RILPL1: variants seen among roughly 807,000 people sequenced by gnomAD.
RILPL1 encodes the protein Rab interacting lysosomal protein like 1, also known as RILP-like protein 1.
RILPL1 carries 33 observed loss-of-function variants against 50.3 expected under a neutral mutation model. The ratio of observed to expected loss-of-function variants is 0.66; its 90% CI spans 0.50 to 0.88. RILPL1 has a LOEUF of 0.88. Among genes scored for constraint, RILPL1 ranks in the 40% least tolerant of loss-of-function variants. RILPL1 has a pLI of 0.00. For missense variants in RILPL1, 418 were observed against 542.5 expected (o/e 0.77, Z 2.28); for synonymous variants, 205 against 228.6 (o/e 0.90, Z 0.93).
intron 2 of RILPL1, chr12:123,519,393 G>A (rs1275433591): frequency 6.6e-6 from 1 of 152,214 alleles, no homozygotes; most frequent in South Asian, 2.1e-4. Flanking sequence ...AAACAGCCGG[G>A]AGCAAAGTGC....
chr12:123,484,850 G>C, intron 5 of RILPL1: 1 of 259,032 alleles, frequency 3.9e-6, no homozygotes, highest in Non-Finnish European at 7.8e-6. Flanking sequence ...GTAGAGATGG[G>C]GGTCCCACTA....
intron 2 of RILPL1, among the ~76,000 whole-genome samples, chr12:123,520,515 C>T (rs750298152): frequency 6.6e-6 from 1 of 152,154 alleles, no homozygotes; most frequent in Non-Finnish European, 1.5e-5. Context: ...GCCAAGATTG[C>T]GCCACTGCAT....
intron 1 of RILPL1, among the ~76,000 whole-genome samples, chr12:123,524,133 G>T (rs367654899): frequency 7.2e-5 from 11 of 152,194 alleles, no homozygotes; most frequent in Admixed American, 7.2e-4. Context: ...ATCTCTCCAT[G>T]GGGTCTTCAA....
chr12:123,524,643 T>G (rs7313179), intron 1 of RILPL1, among the ~76,000 whole-genome samples: 111,179 of 152,120 alleles, frequency 0.73, 42,726 homozygotes, highest in East Asian at 0.91. Context: ...AGGTGGACCC[T>G]GAAAACATTA....
At chr12:123,527,584 C>T (rs1270620228) in intron 1 of RILPL1, among the ~76,000 whole-genome samples, 1 of 151,316 alleles carries the variant, frequency 6.6e-6, no homozygotes. Context: ...TTACAGTGAG[C>T]TGAGGGAAGC....
rs2139324570 is a variant in RILPL1, at chr12:123,489,629, A to T, written c.802-3824T>A. ...CAGTGAGCTGACACGGTGCCACTGT[A>T]CTCCAGCCTGGGCGACAGAGCGACA... On this transcript the variant is annotated intron_variant, in intron 4 of 6. Coordinates refer to ENST00000376874, the MANE Select transcript of RILPL1 (RefSeq NM_178314.5). The surrounding 1 kb of genome is among the most constrained non-coding windows in gnomAD (Gnocchi z 4.0). 6.6e-6 allele frequency among the ~76,000 whole-genome samples: 1 copy of T among 151,602 alleles called. No homozygotes were observed. Among genetic ancestry groups the T allele is most frequent in the South Asian group, 2.1e-4 (1 of 4,802 alleles).
At chr12:123,482,622 T>C (rs200356412) in intron 6 of RILPL1, among the ~76,000 whole-genome samples, 84 of 145,558 alleles carry the variant, frequency 5.8e-4, no homozygotes, top group African/African-American at 1.6e-3. Context: ...CTCTCTCTCT[T>C]TTTTTTTTTT....
chr12:123,508,873 A>G (rs912983004), intron 2 of RILPL1, among the ~76,000 whole-genome samples: 1 of 152,062 alleles, frequency 6.6e-6, no homozygotes, highest in East Asian at 1.9e-4. Context: ...ATCTCCAAAA[A>G]AAAAAAGTTG....
chr12:123,504,408 C>G (rs1291510534), intron 2 of RILPL1, among the ~76,000 whole-genome samples: 1 of 152,184 alleles, frequency 6.6e-6, no homozygotes, highest in Admixed American at 6.5e-5. Flanking sequence ...AACAAGCATC[C>G]CTGGTGTGTT....
chr12:123,523,291 C>T (rs1593605552), intron 2 of RILPL1, among the ~76,000 whole-genome samples: 1 of 152,180 alleles, frequency 6.6e-6, no homozygotes, highest in East Asian at 1.9e-4. Context: ...CTGAAAGGAC[C>T]TCTGTGTTAC....
intron 2 of RILPL1, among the ~76,000 whole-genome samples, chr12:123,504,256 G>A (rs981860830): frequency 6.6e-6 from 1 of 152,114 alleles, no homozygotes; most frequent in African/African-American, 2.4e-5. Flanking sequence ...AGGACATGCA[G>A]CCAGATCTAA....
intron 1 of RILPL1, among the ~76,000 whole-genome samples, chr12:123,528,166 C>T (rs966485168): frequency 3.3e-5 from 5 of 151,534 alleles, no homozygotes; most frequent in South Asian, 2.1e-4. Flanking sequence ...CAGGAGTCTG[C>T]AGCCAGCCTG....
intron 2 of RILPL1, among the ~76,000 whole-genome samples, chr12:123,506,613 C>T (rs1053547995): frequency 6.6e-6 from 1 of 152,134 alleles, no homozygotes; most frequent in Non-Finnish European, 1.5e-5. Flanking sequence ...CCCCGGAGAG[C>T]GGTACAGAAA....
intron 6 of RILPL1, chr12:123,475,412 A>G: frequency 1.9e-6 from 1 of 517,748 alleles, no homozygotes; most frequent in South Asian, 2.2e-5. Flanking sequence ...AGGTGGTTTT[A>G]AAACAGAAAC....
chr12:123,518,431 T>C (rs1363058817), intron 2 of RILPL1: 1 of 336,404 alleles, frequency 3.0e-6, no homozygotes. Flanking sequence ...CTTTTGAGCC[T>C]GGGAGGTTGA....
At position 123,483,100 on chromosome 12, in the gene RILPL1, C is replaced by T. The variant is rs1481346211; in HGVS notation, c.1067+1080G>A. On this transcript the variant is annotated intron_variant, in intron 6 of 6. Coordinates refer to ENST00000376874, the MANE Select transcript of RILPL1 (RefSeq NM_178314.5). ...CTTTCCAACCCACACGCCCTGTTTTCACAAAGTTTCTTGTGGGTTTTGGAG... is the reference window on the plus strand; with the variant it reads ...CTTTCCAACCCACACGCCCTGTTTTTACAAAGTTTCTTGTGGGTTTTGGAG... Among the ~76,000 whole-genome samples the T allele has an allele frequency of 2.6e-5, 4 of 152,230 alleles. No individual in the cohort carries two copies. The East Asian group carries it at 7.7e-4, about 29-fold the overall frequency.
At chr12:123,527,620 G>A (rs1450587857) in intron 1 of RILPL1, among the ~76,000 whole-genome samples, 1 of 150,092 alleles carries the variant, frequency 6.7e-6, no homozygotes, top group Non-Finnish European at 1.5e-5. Flanking sequence ...CCGAGATCAT[G>A]CCACTGCACT....
intron 2 of RILPL1, among the ~76,000 whole-genome samples, chr12:123,516,688 A>G (rs908643361): frequency 6.6e-6 from 1 of 152,152 alleles, no homozygotes; most frequent in African/African-American, 2.4e-5. Flanking sequence ...GTATTTGCAG[A>G]TGTAATTAGT....
chr12:123,496,831 G>T (rs1883061484), intron 4 of RILPL1, among the ~76,000 whole-genome samples: 1 of 152,224 alleles, frequency 6.6e-6, no homozygotes, highest in Admixed American at 6.5e-5. Context: ...GTGATGGACA[G>T]CTCTGGCCAC....
Sources: allele counts gnomAD v4.1 joint callset (sites outside exome capture counted in the v4.1 genomes callset), GRCh38; gene constraint gnomAD v4.1.1; non-coding constraint Gnocchi (gnomAD v3.1); transcripts MANE v1.5; gene names NCBI Gene and HGNC (gene_info 2026-07-23, HGNC 2026-07-21).